Variants in DCDC2 observed in about 807,000 individuals in gnomAD.
DCDC2 encodes doublecortin domain containing 2, also known as doublecortin domain-containing protein 2.
In DCDC2, 40 loss-of-function variants were observed where a neutral mutation model predicts 50.2. The observed-to-expected ratio is 0.80, with a 90% CI of 0.62 to 1.04. The LOEUF (loss-of-function observed/expected upper bound fraction) is 1.04, where lower values mean the gene tolerates loss of function less well. Among genes scored for constraint, DCDC2 ranks in the 50% least tolerant of loss-of-function variants. The pLI is 0.00. For synonymous variants in DCDC2, 234 were observed against 210.6 expected (o/e 1.11, Z -0.96); for missense variants, 570 against 581.9 (o/e 0.98, Z 0.21).
chr6:24,175,822 T>C (rs1223631289), intron 9 of DCDC2, among the ~76,000 whole-genome samples: 1 of 152,228 alleles, frequency 6.6e-6, no homozygotes, highest in East Asian at 1.9e-4. Context: ...TCTGTAAAAG[T>C]TAACTATTCA....
At chr6:24,287,656 A>G (rs1227524919) in intron 6 of DCDC2, among the ~76,000 whole-genome samples, 1 of 152,050 alleles carries the variant, frequency 6.6e-6, no homozygotes, top group Non-Finnish European at 1.5e-5. Flanking sequence ...TGCCCCAACC[A>G]TCTCACCCTC....
chr6:24,228,529 A>G (rs190977708), intron 7 of DCDC2, among the ~76,000 whole-genome samples: 2 of 152,338 alleles, frequency 1.3e-5, no homozygotes, highest in East Asian at 3.9e-4. Context: ...AGTTTTAAAC[A>G]GAAAGATTTT....
intron 7 of DCDC2, among the ~76,000 whole-genome samples, chr6:24,220,869 CAAGAGAGCGA>C (rs797015961): frequency 7.5e-6 from 1 of 133,554 alleles, no homozygotes; most frequent in African/African-American, 3.5e-5. Context: ...AGACAGAGAG[CAAGAGAGCGA>C]GAGCGAGAGA....
At chr6:24,355,271 T>C (rs762360677) in intron 1 of DCDC2, among the ~76,000 whole-genome samples, 31 of 152,050 alleles carry the variant, frequency 2.0e-4, no homozygotes, top group Admixed American at 1.3e-4. Context: ...TGTGGAACTG[T>C]ACCTTTTTTT....
At chr6:24,361,801 A>G (rs1014068635), upstream of DCDC2, among the ~76,000 whole-genome samples, 8 of 152,202 alleles carry the variant, frequency 5.3e-5, no homozygotes, top group African/African-American at 1.9e-4. Context: ...ACGCCAGCCC[A>G]TGAAGCTGCC....
chr6:24,194,860 C>G (rs1465587800), intron 8 of DCDC2, among the ~76,000 whole-genome samples: 1 of 151,538 alleles, frequency 6.6e-6, no homozygotes, highest in Non-Finnish European at 1.5e-5. Context: ...TGAGAAAACA[C>G]GTTTGTTCTG....
intron 7 of DCDC2, among the ~76,000 whole-genome samples, chr6:24,272,522 A>G (rs933554154): frequency 6.6e-6 from 1 of 152,240 alleles, no homozygotes; most frequent in Non-Finnish European, 1.5e-5. Context: ...ACAACAAAAA[A>G]TAATGACAGC....
At chr6:24,206,094 T>C (rs967339568) in intron 7 of DCDC2, among the ~76,000 whole-genome samples, 2 of 152,210 alleles carry the variant, frequency 1.3e-5, no homozygotes, top group Non-Finnish European at 2.9e-5. Flanking sequence ...TAACCTATTT[T>C]ATCTAATAAT....
intron 7 of DCDC2, among the ~76,000 whole-genome samples, chr6:24,222,669 A>G (rs1045156191): frequency 6.6e-6 from 1 of 152,228 alleles, no homozygotes; most frequent in Non-Finnish European, 1.5e-5. Flanking sequence ...GTGAAAAACC[A>G]TCTGTTTTCC....
chr6:24,343,251 G>A (rs578041250), intron 2 of DCDC2, among the ~76,000 whole-genome samples: 8 of 151,904 alleles, frequency 5.3e-5, no homozygotes, highest in East Asian at 1.9e-4. Flanking sequence ...GGGTTTCACC[G>A]TGTTAGCCAG....
chr6:24,323,384 A>T (rs1240253426), intron 2 of DCDC2, among the ~76,000 whole-genome samples: 2 of 152,166 alleles, frequency 1.3e-5, no homozygotes, highest in Non-Finnish European at 2.9e-5. Context: ...CTGGACCAGG[A>T]AAAAAATATC....
intron 8 of DCDC2, among the ~76,000 whole-genome samples, chr6:24,186,513 T>A (rs901533480): frequency 6.6e-6 from 1 of 151,974 alleles, no homozygotes; most frequent in Non-Finnish European, 1.5e-5. Flanking sequence ...ACACTTCTTA[T>A]TGAAGAACAG....
At chr6:24,190,094 G>T (rs1761284164) in intron 8 of DCDC2, among the ~76,000 whole-genome samples, 1 of 148,500 alleles carries the variant, frequency 6.7e-6, no homozygotes, top group African/African-American at 2.5e-5. Flanking sequence ...AAAAGGTTTA[G>T]ATATGATTTG....
At chr6:24,279,334 G>C (rs913052939) in intron 6 of DCDC2, among the ~76,000 whole-genome samples, 2 of 152,070 alleles carry the variant, frequency 1.3e-5, no homozygotes, top group African/African-American at 2.4e-5. Context: ...CAGCTACCTA[G>C]GGGGCAAAGG....
At chr6:24,202,880 T>C (rs2113759913) in intron 8 of DCDC2, among the ~76,000 whole-genome samples, 1 of 152,254 alleles carries the variant, frequency 6.6e-6, no homozygotes, top group East Asian at 1.9e-4. Flanking sequence ...GAACTCCCAT[T>C]CACAATTGCT....
chr6:24,319,774 T>G (rs1480594586), intron 2 of DCDC2, among the ~76,000 whole-genome samples: 1 of 152,046 alleles, frequency 6.6e-6, no homozygotes, highest in African/African-American at 2.4e-5. Flanking sequence ...CTACAGAGAA[T>G]GGACAGGAAA....
intron 7 of DCDC2, among the ~76,000 whole-genome samples, chr6:24,244,128 C>T (rs1309741278): frequency 6.6e-6 from 1 of 152,098 alleles, no homozygotes; most frequent in Non-Finnish European, 1.5e-5. Flanking sequence ...AAACAGTTGC[C>T]ATGAACAGAA....
At chr6:24,348,423 G>T (rs1011475432) in intron 2 of DCDC2, among the ~76,000 whole-genome samples, 8 of 152,156 alleles carry the variant, frequency 5.3e-5, no homozygotes, top group Non-Finnish European at 1.0e-4. Context: ...TCAAAGAAGG[G>T]ATCCTTGTGG....
chr6:24,175,451 A>G (rs1349568384), intron 9 of DCDC2, among the ~76,000 whole-genome samples: 2 of 152,194 alleles, frequency 1.3e-5, no homozygotes, highest in African/African-American at 2.4e-5. Context: ...GCAGGTTTGC[A>G]AAGTCTGCTC....
Sources: allele counts gnomAD v4.1 joint callset (sites outside exome capture counted in the v4.1 genomes callset), GRCh38; gene constraint gnomAD v4.1.1; transcripts MANE v1.5; gene names NCBI Gene and HGNC (gene_info 2026-07-23, HGNC 2026-07-21).